The following PPWD1 variants were observed in gnomAD, a reference collection of about 807,000 sequenced individuals.
The protein encoded by PPWD1 is peptidylprolyl isomerase domain and WD repeat-containing protein 1.
In PPWD1, 43 loss-of-function variants were observed where a neutral mutation model predicts 68.8. The ratio of observed to expected loss-of-function variants is 0.62; its 90% CI spans 0.49 to 0.81. The LOEUF (loss-of-function observed/expected upper bound fraction) is 0.81. PPWD1 is among the 30% of genes least tolerant of loss of function. The pLI, the probability that PPWD1 is intolerant of heterozygous loss-of-function variation, is 0.00. For synonymous variants in PPWD1, 232 were observed against 258.7 expected (o/e 0.90, Z 0.99); for missense variants, 672 against 804.8 (o/e 0.83, Z 2.00).
intron 7 of PPWD1, among the ~76,000 whole-genome samples, chr5:65,581,674 T>C (rs899786008): frequency 6.6e-5 from 10 of 152,230 alleles, no homozygotes; most frequent in African/African-American, 9.6e-5. Flanking sequence ...AAAAAACTTA[T>C]ATTTTTTCTT....
Position 65,572,047 on chromosome 5 carries a change from T to A in PPWD1, c.730T>A (p.Ser244Thr), listed in dbSNP as rs758373771. ...VYKAVVSSDK[S>T]GMIEYWTGPP... The stretch of plus-strand genomic sequence containing the variant: ...CAAAGCAGTAGTGTCTTCTGACAAA[T>A]CTGGGATGATTGAATACTGGACTGG... The change falls in exon 5 of 11, where the codon TCT becomes ACT. Residue 244 changes from serine to threonine, a missense_variant. Ser to Thr is a moderately conservative substitution (Grantham distance 58). Around this residue, in one of 2 missense-constraint regions of PPWD1, gnomAD observed 484 missense variants for 646.2 expected, o/e 0.75. Coordinates refer to ENST00000261308, the MANE Select transcript of PPWD1 (RefSeq NM_015342.4). The A allele has an allele frequency of 6.2e-7, 1 of 1,613,982 alleles. No individual in the cohort carries two copies. Among genetic ancestry groups the A allele is most frequent in the South Asian group, 1.1e-5 (1 of 91,084 alleles).
intron 5 of PPWD1, among the ~76,000 whole-genome samples, chr5:65,575,671 G>T (rs1753248843): frequency 6.6e-6 from 1 of 152,062 alleles, no homozygotes; most frequent in South Asian, 2.1e-4. Flanking sequence ...CTTTTGGAAG[G>T]TTCATAATAT....
chr5:65,581,411 C>A (rs1302362691), intron 7 of PPWD1, among the ~76,000 whole-genome samples: 1 of 152,090 alleles, frequency 6.6e-6, no homozygotes, highest in Non-Finnish European at 1.5e-5. Flanking sequence ...ATAGCAAGAC[C>A]TCATCTCTAC....
intron 1 of PPWD1, among the ~76,000 whole-genome samples, chr5:65,566,815 T>C (rs201333011): frequency 2.3e-5 from 2 of 86,862 alleles, no homozygotes; most frequent in Non-Finnish European, 5.9e-5. Context: ...TCCATCCCTT[T>C]CTTTCTTTTT....
rs534069130 is a variant in PPWD1 at position 65,578,786 on chromosome 5, A to G, written c.1161-638A>G. ...TATATATATATACATATATATGTGT[A>G]TATATATATACATATATATGTGTAT... is the stretch of plus-strand genomic sequence containing the variant. On this transcript the variant is annotated intron_variant, in intron 6 of 10. Transcript: ENST00000261308. Among the ~76,000 whole-genome samples, 199 of 138,038 alleles carry G rather than the reference A, an allele frequency of 1.4e-3. 1 individual carries two copies. Among genetic ancestry groups the G allele is most frequent in the Middle Eastern group, 0.011 (3 of 272 alleles). 90.6% of individuals were successfully genotyped at this position (138,038 alleles called of 152,430 possible). A position where few individuals can be genotyped will look rare whatever the true frequency, so the allele number is the denominator to read the frequency against.
In PPWD1 at chr5:65,587,326, A is replaced by G; in HGVS notation, c.1871A>G (p.Asn624Ser). The change falls in exon 11 of 11, where the codon AAC becomes AGC. Residue 624 changes from asparagine to serine, a missense_variant. Transcript: ENST00000261308. ...ATGGAAGTTGTACAGAGGATCTCCA[A>G]CGTCAAAGTCAATCCCAAAACAGAT... ...KGMEVVQRIS[N>S]VKVNPKTDKP... 1.2e-6 allele frequency: 2 copies of G among 1,612,876 alleles called. No individual in the cohort carries two copies. Among genetic ancestry groups the G allele is most frequent in the South Asian group, 2.2e-5 (2 of 91,026 alleles).
In PPWD1 at chr5:65,587,433, A is replaced by C. The variant is rs1753896880; in HGVS notation, c.*37A>C. 1 of 1,470,334 alleles carries C rather than the reference A, an allele frequency of 6.8e-7. No homozygotes were observed. Among genetic ancestry groups the C allele is most frequent in the African/African-American group, 1.4e-5 (1 of 70,624 alleles). 91.1% of individuals were successfully genotyped at this position (1,470,334 alleles called of 1,614,324 possible). A position where few individuals can be genotyped will look rare whatever the true frequency, so the allele number is the denominator to read the frequency against. ...TTTTAATGTACTTGCAAATAAAAAT[A>C]CAATATTAAACAGATTATTTTACAT... On this transcript the variant is annotated 3_prime_UTR_variant, in exon 11 of 11. Coordinates refer to ENST00000261308, the MANE Select transcript of PPWD1 (RefSeq NM_015342.4).
chr5:65,569,137 C>G, intron 2 of PPWD1: 1 of 400,644 alleles, frequency 2.5e-6, no homozygotes, highest in South Asian at 1.9e-5. Flanking sequence ...TCTATTTTTA[C>G]ATACCTAATA....
chr5:65,575,547 A>C (rs890056633), intron 5 of PPWD1, among the ~76,000 whole-genome samples: 1 of 152,340 alleles, frequency 6.6e-6, no homozygotes, highest in Admixed American at 6.5e-5. Flanking sequence ...TGAAATAAGG[A>C]TAGAATTAGA....
chr5:65,569,929 T>C lies in PPWD1; in HGVS notation c.452T>C (p.Val151Ala), dbSNP rs766924542. 6.2e-7 allele frequency: 1 copy of C among 1,612,492 alleles called. No homozygotes were observed. The highest frequency in any genetic ancestry group is 8.5e-7 in the Non-Finnish European group (1 of 1,178,906). ...TCTGAGGGAGCATTGTTCTGTTCTG[T>C]GGGTGATGATAAAGCAATGAAGGTG... ...VSSEGALFCSVGDDKAMKVFD... is the reference protein window; with the variant it reads ...VSSEGALFCSAGDDKAMKVFD... Residue 151 changes from valine (V) to alanine (A), a missense_variant, in exon 4 of 11, where the codon GTG becomes GCG. Val to Ala is a moderately conservative substitution (Grantham distance 64). Coordinates refer to ENST00000261308, the MANE Select transcript of PPWD1 (RefSeq NM_015342.4).
intron 1 of PPWD1, among the ~76,000 whole-genome samples, chr5:65,566,488 C>T (rs903398270): frequency 8.0e-5 from 12 of 150,894 alleles, no homozygotes. Flanking sequence ...TTAAACCTCA[C>T]TCCAGGGGAA....
chr5:65,583,011 G>T, intron 7 of PPWD1, 27 bp from the exon 8 acceptor site: 1 of 1,480,496 alleles, frequency 6.8e-7, no homozygotes, highest in South Asian at 1.4e-5. Context: ...TTAATTCGTT[G>T]ACTCACTTTT....
Position 65,576,805 on chromosome 5 carries a change from T to TATAG in PPWD1, c.970-67_970-64dup, listed in dbSNP as rs938911194. 2.0e-6 allele frequency: 3 copies of TATAG among 1,512,554 alleles called. No individual in the cohort carries two copies. The African/African-American group carries it at 4.2e-5, about 21-fold the overall frequency. 93.7% of individuals were successfully genotyped at this position (1,512,554 alleles called of 1,614,324 possible). A position where few individuals can be genotyped will look rare whatever the true frequency, so the allele number is the denominator to read the frequency against. On this transcript the variant is annotated intron_variant, in intron 5 of 10. Transcript: ENST00000261308. The stretch of plus-strand genomic sequence containing the variant: ...CTTCTATTTAAATTCTCATTGCATA[T>TATAG]ATAGATAGATGGGTTGATATAGATA...
chr5:65,586,345 T>G (rs553988605), intron 10 of PPWD1, among the ~76,000 whole-genome samples, 164 bp downstream of exon 10: 1 of 152,278 alleles, frequency 6.6e-6, no homozygotes, highest in East Asian at 1.9e-4. Flanking sequence ...ATGTGACTAA[T>G]CAGTTTAGAA....
chr5:65,567,654 AT>A, intron 2 of PPWD1, 39 bp downstream of exon 2: 6 of 1,436,560 alleles, frequency 4.2e-6, no homozygotes, highest in Admixed American at 2.5e-5. Context: ...TTCTGAGTTT[AT>A]TTAAAAAAAA....
chr5:65,586,090 C>G lies in PPWD1; in HGVS notation c.1706C>G (p.Thr569Arg). 6.2e-7 allele frequency: 1 copy of G among 1,613,578 alleles called. No homozygotes were observed. The highest frequency in any genetic ancestry group is 8.5e-7 in the Non-Finnish European group (1 of 1,179,604). The change falls in exon 10 of 11, where the codon ACA (threonine) becomes AGA (arginine). Residue 569 changes from threonine (T) to arginine (R), a missense_variant. Around this residue, in one of 2 missense-constraint regions of PPWD1, gnomAD observed 484 missense variants for 646.2 expected, o/e 0.75. Transcript: ENST00000261308. The stretch of plus-strand genomic sequence containing the variant: ...GAATTTGAAGATGAATTTCATTCAA[C>G]ATTACGACATGACAGGCCATACACA... ...GGEFEDEFHS[T>R]LRHDRPYTLS...
chr5:65,578,821 T>C (rs1753454332), intron 6 of PPWD1, among the ~76,000 whole-genome samples: 2 of 143,758 alleles, frequency 1.4e-5, no homozygotes, highest in Non-Finnish European at 3.0e-5. Flanking sequence ...TATATATACT[T>C]TTTTTTAAAA....
chr5:65,578,771 T>C (rs201428744), intron 6 of PPWD1, among the ~76,000 whole-genome samples: 6 of 66,456 alleles, frequency 9.0e-5, no homozygotes, highest in South Asian at 3.8e-4. Flanking sequence ...TATATATATA[T>C]ACATATATAT....
At chr5:65,564,292 C>A (rs370540220) in intron 1 of PPWD1, among the ~76,000 whole-genome samples, 1 of 148,284 alleles carries the variant, frequency 6.7e-6, no homozygotes, top group Non-Finnish European at 1.5e-5. Flanking sequence ...TAAAAAACTT[C>A]AATGATTTGT....
Sources: gnomAD v4.1 joint callset for allele counts (sites outside exome capture counted in the v4.1 genomes callset) on GRCh38, gnomAD v4.1.1 for gene constraint, gnomAD v4.1.1 regional missense constraint, MANE v1.5 for transcripts, NCBI Gene and HGNC (gene_info 2026-07-23, HGNC 2026-07-21) for gene names.